Variants in B3GALT1 observed in about 807,000 individuals in gnomAD.
B3GALT1 encodes beta-1,3-galactosyltransferase 1.
B3GALT1 carries 10 observed loss-of-function variants against 23.2 expected under a neutral mutation model. That is an observed-to-expected ratio of 0.43 (90% CI 0.27 to 0.73). B3GALT1 has a LOEUF of 0.73. B3GALT1 is among the 30% of genes least tolerant of loss of function. The probability of loss-of-function intolerance (pLI) is 0.21; values close to 1 mark genes in which losing one functional copy is unlikely to be tolerated. For missense variants in B3GALT1, 299 were observed against 405.4 expected, an observed-to-expected ratio of 0.74 and a Z score of 2.25; for synonymous variants, 156 against 141.5, an observed-to-expected ratio of 1.10 and a Z score of -0.73.
intron 2 of B3GALT1, among the ~76,000 whole-genome samples, chr2:167,508,407 C>T (rs913751798): frequency 2.0e-5 from 3 of 151,576 alleles, no homozygotes; most frequent in African/African-American, 7.3e-5. Flanking sequence ...TACAGGCACC[C>T]GCCACCACTC....
At chr2:167,440,772 A>C (rs1209688544) in intron 1 of B3GALT1, among the ~76,000 whole-genome samples, 18 of 151,804 alleles carry the variant, frequency 1.2e-4, no homozygotes, top group Admixed American at 1.2e-3. Context: ...GACCTTTCTT[A>C]TCTCATAGTT....
intron 3 of B3GALT1, among the ~76,000 whole-genome samples, chr2:167,786,681 T>C (rs925198640): frequency 2.0e-5 from 3 of 152,232 alleles, no homozygotes; most frequent in African/African-American, 2.4e-5. Flanking sequence ...ATGTACTGTT[T>C]GGTAACTTCC....
intron 1 of B3GALT1, among the ~76,000 whole-genome samples, chr2:167,308,547 A>G (rs1011549039): frequency 6.6e-6 from 1 of 152,060 alleles, no homozygotes; most frequent in Non-Finnish European, 1.5e-5. Flanking sequence ...AATCCCTCCA[A>G]TAAGATTCCT....
At chr2:167,373,571 G>C (rs1379065874) in intron 1 of B3GALT1, among the ~76,000 whole-genome samples, 1 of 152,136 alleles carries the variant, frequency 6.6e-6, no homozygotes, top group East Asian at 1.9e-4. Flanking sequence ...TAGAGCAAAA[G>C]ACTTGAACAC....
At chr2:167,434,594 G>GTA (rs1698750556) in intron 1 of B3GALT1, among the ~76,000 whole-genome samples, 1 of 150,758 alleles carries the variant, frequency 6.6e-6, no homozygotes, top group Non-Finnish European at 1.5e-5. Context: ...GTGTATTAGG[G>GTA]TATAAATCGT....
intron 3 of B3GALT1, among the ~76,000 whole-genome samples, chr2:167,671,762 A>G (rs2105484174): frequency 6.6e-6 from 1 of 152,170 alleles, no homozygotes; most frequent in African/African-American, 2.4e-5. Flanking sequence ...GCACAAAGTA[A>G]TTACAGAAGG....
intron 3 of B3GALT1, among the ~76,000 whole-genome samples, chr2:167,806,227 G>C (rs1688749742): frequency 6.6e-6 from 1 of 152,082 alleles, no homozygotes; most frequent in Non-Finnish European, 1.5e-5. Context: ...GGAGATTTTG[G>C]GCTGAGATGA....
chr2:167,629,570 A>G (rs1231278068), intron 2 of B3GALT1, among the ~76,000 whole-genome samples: 2 of 151,730 alleles, frequency 1.3e-5, no homozygotes, highest in African/African-American at 2.4e-5. Context: ...CTCTAACTAT[A>G]TAATATCCTC....
At chr2:167,795,849 C>T (rs184435149) in intron 3 of B3GALT1, among the ~76,000 whole-genome samples, 7 of 152,302 alleles carry the variant, frequency 4.6e-5, no homozygotes, top group East Asian at 3.9e-4. Flanking sequence ...ATATTTATAG[C>T]GCCAGATAAA....
chr2:167,783,330 A>G (rs770104265), intron 3 of B3GALT1, among the ~76,000 whole-genome samples: 1 of 152,154 alleles, frequency 6.6e-6, no homozygotes, highest in Non-Finnish European at 1.5e-5. Context: ...TGTTAACTAC[A>G]ACTGGTAGTG....
At chr2:167,563,745 C>T (rs1684075656) in intron 2 of B3GALT1, among the ~76,000 whole-genome samples, 3 of 14,640 alleles carry the variant, frequency 2.0e-4, no homozygotes, top group Non-Finnish European at 3.3e-4. Context: ...GCAGAGGCGC[C>T]CCTCACCTCC....
chr2:167,458,724 TTCATG>T, intron 1 of B3GALT1, among the ~76,000 whole-genome samples: 1 of 152,326 alleles, frequency 6.6e-6, no homozygotes, highest in African/African-American at 2.4e-5. Flanking sequence ...GTGGCATCTT[TTCATG>T]TGCTTATTGG....
intron 1 of B3GALT1, among the ~76,000 whole-genome samples, chr2:167,404,042 A>C (rs541812091): frequency 8.9e-4 from 135 of 152,242 alleles, no homozygotes; most frequent in African/African-American, 3.1e-3. Flanking sequence ...TTTTGCTCAC[A>C]GTTCTTCAGG....
chr2:167,653,365 T>C (rs1685898943), intron 3 of B3GALT1, among the ~76,000 whole-genome samples: 1 of 152,128 alleles, frequency 6.6e-6, no homozygotes, highest in South Asian at 2.1e-4. Flanking sequence ...TATATAGCAG[T>C]TTTAAAACCC....
intron 3 of B3GALT1, among the ~76,000 whole-genome samples, chr2:167,812,672 C>T (rs1347888022): frequency 6.6e-6 from 1 of 152,098 alleles, no homozygotes; most frequent in Non-Finnish European, 1.5e-5. Context: ...TCCTCAGCAC[C>T]TAGCATGTGA....
intron 1 of B3GALT1, among the ~76,000 whole-genome samples, chr2:167,359,139 T>C (rs1490263697): frequency 6.6e-6 from 1 of 152,216 alleles, no homozygotes; most frequent in Non-Finnish European, 1.5e-5. Flanking sequence ...CATATTGTTA[T>C]GTTTAATCCA....
At chr2:167,386,488 C>T (rs1697931181) in intron 1 of B3GALT1, among the ~76,000 whole-genome samples, 1 of 152,104 alleles carries the variant, frequency 6.6e-6, no homozygotes, top group Non-Finnish European at 1.5e-5. Context: ...TGTAACAATG[C>T]AGCTATCTCC....
chr2:167,673,522 C>G (rs1686369028), intron 3 of B3GALT1, among the ~76,000 whole-genome samples: 1 of 151,786 alleles, frequency 6.6e-6, no homozygotes, highest in Non-Finnish European at 1.5e-5. Flanking sequence ...TTAGTTCTAC[C>G]CATTTACTTC....
intron 2 of B3GALT1, among the ~76,000 whole-genome samples, chr2:167,505,548 G>A (rs920228676): frequency 4.6e-5 from 7 of 152,120 alleles, no homozygotes; most frequent in Admixed American, 2.6e-4. Flanking sequence ...TATTTCCTAC[G>A]TGAGGGCATG....
Sources: allele counts gnomAD v4.1 joint callset (sites outside exome capture counted in the v4.1 genomes callset), GRCh38; gene constraint gnomAD v4.1.1; transcripts MANE v1.5; gene names NCBI Gene and HGNC (gene_info 2026-07-23, HGNC 2026-07-21).